Variants in ZBTB8A observed in about 807,000 individuals in gnomAD.
ZBTB8A encodes zinc finger and BTB domain containing 8A.
ZBTB8A carries 19 observed loss-of-function variants against 37.8 expected under a neutral mutation model. That is an observed-to-expected ratio of 0.50 (90% CI 0.35 to 0.74). The LOEUF (loss-of-function observed/expected upper bound fraction) is 0.74. Ranked by LOEUF, ZBTB8A falls within the 30% of genes least tolerant of loss-of-function variation. The pLI is 0.01. For synonymous variants in ZBTB8A, 181 were observed against 185.2 expected, an observed-to-expected ratio of 0.98 and a Z score of 0.19; for missense variants, 394 against 537.8, an observed-to-expected ratio of 0.73 and a Z score of 2.65.
intron 1 of ZBTB8A, among the ~76,000 whole-genome samples, chr1:32,540,679 C>G (rs952876126): frequency 2.0e-5 from 3 of 152,166 alleles, no homozygotes; most frequent in African/African-American, 7.2e-5. Context: ...TGATCTTTTT[C>G]AGGAAAGCCT....
chr1:32,558,205 G>A (rs1333265191), intron 2 of ZBTB8A, among the ~76,000 whole-genome samples: 1 of 152,040 alleles, frequency 6.6e-6, no homozygotes, highest in Non-Finnish European at 1.5e-5. Context: ...TCTTTTTGTG[G>A]AACAAAATTA....
chr1:32,554,722 A>C (rs907377082), intron 2 of ZBTB8A, among the ~76,000 whole-genome samples: 3 of 151,768 alleles, frequency 2.0e-5, no homozygotes, highest in African/African-American at 7.3e-5. Context: ...CAGGTGATCC[A>C]CCCACCTTGG....
intron 2 of ZBTB8A, among the ~76,000 whole-genome samples, chr1:32,589,781 ACCTCAGGTGATCCG>A (rs1644474755): frequency 4.0e-5 from 6 of 151,344 alleles, no homozygotes. Flanking sequence ...CAAACTCCTG[ACCTCAGGTGATCCG>A]TCAGCCTCGG....
At chr1:32,539,708 C>G (rs1176737947) in intron 1 of ZBTB8A, 136 bp downstream of exon 1, 2 of 147,316 alleles carry the variant, frequency 1.4e-5, no homozygotes, top group Non-Finnish European at 3.0e-5. Flanking sequence ...CGCGCCTCCC[C>G]CAGACGTCCC....
At chr1:32,574,847 G>A (rs1644348365) in intron 2 of ZBTB8A, among the ~76,000 whole-genome samples, 1 of 152,134 alleles carries the variant, frequency 6.6e-6, no homozygotes, top group Non-Finnish European at 1.5e-5. Flanking sequence ...GTGCTGACAT[G>A]GTTCACTGCA....
chr1:32,550,823 G>A (rs1212570506), intron 1 of ZBTB8A, among the ~76,000 whole-genome samples: 3 of 151,590 alleles, frequency 2.0e-5, no homozygotes, highest in Non-Finnish European at 4.4e-5. Context: ...CGGGTGTGGT[G>A]GCAGGCTCCT....
chr1:32,565,941 C>T (rs905241839), intron 2 of ZBTB8A, among the ~76,000 whole-genome samples: 1 of 152,086 alleles, frequency 6.6e-6, no homozygotes, highest in African/African-American at 2.4e-5. Flanking sequence ...GTGGCTCACG[C>T]CTGTAATCTC....
At chr1:32,549,674 G>A (rs1203603690) in intron 1 of ZBTB8A, among the ~76,000 whole-genome samples, 2 of 152,120 alleles carry the variant, frequency 1.3e-5, no homozygotes, top group Admixed American at 6.6e-5. Flanking sequence ...AGTTTACGGT[G>A]AGCTGGGAGT....
intron 2 of ZBTB8A, among the ~76,000 whole-genome samples, chr1:32,567,248 T>A (rs911431553): frequency 6.6e-6 from 1 of 151,778 alleles, no homozygotes; most frequent in African/African-American, 2.4e-5. Context: ...AACAACCAGA[T>A]CTCGTAAGAA....
intron 2 of ZBTB8A, among the ~76,000 whole-genome samples, chr1:32,571,442 G>A (rs1459715515): frequency 6.6e-6 from 1 of 152,102 alleles, no homozygotes; most frequent in Non-Finnish European, 1.5e-5. Context: ...TTCTGTGTCT[G>A]TTGAGATAGC....
At chr1:32,547,425 C>G (rs1319280985) in intron 1 of ZBTB8A, among the ~76,000 whole-genome samples, 1 of 148,422 alleles carries the variant, frequency 6.7e-6, no homozygotes, top group African/African-American at 2.5e-5. Flanking sequence ...ATGAGCATTG[C>G]TCACTGCAGC....
At chr1:32,561,530 G>C (rs1043281814) in intron 2 of ZBTB8A, among the ~76,000 whole-genome samples, 3 of 151,956 alleles carry the variant, frequency 2.0e-5, no homozygotes, top group African/African-American at 7.3e-5. Flanking sequence ...CTGTCTTCAC[G>C]TGGTGCTCTT....
In ZBTB8A at chr1:32,600,999, A is replaced by G. The variant is rs1388457961; in HGVS notation, c.*580A>G. 1.3e-5 allele frequency: 2 copies of G among 152,196 alleles called. No individual in the cohort carries two copies. The highest frequency in any genetic ancestry group is 2.4e-5 in the African/African-American group (1 of 41,414). The allele number at this position is 152,196 out of a possible 1,614,324, so 9.4% of individuals were successfully genotyped here. On this transcript the variant is annotated 3_prime_UTR_variant, in exon 5 of 5. Transcript: ENST00000373510. ...ATGGAAGAAGACTAAAGTGTTTGAA[A>G]TCATTCATATTTGAAATTTTTATCA...
intron 1 of ZBTB8A, among the ~76,000 whole-genome samples, chr1:32,543,188 A>G (rs1644071499): frequency 6.6e-6 from 1 of 151,916 alleles, no homozygotes; most frequent in Non-Finnish European, 1.5e-5. Context: ...GGGTCAAGCA[A>G]TTCTCCTACC....
In ZBTB8A at chr1:32,605,493, C is replaced by G. The variant is rs1329760062; in HGVS notation, c.*5074C>G. ...CCAAGGCGGGTGGATCACTTTAGGT[C>G]AAGAGTTGGAGACCAGCCTGGGGCA... On this transcript the variant is annotated 3_prime_UTR_variant, in exon 5 of 5. Transcript: ENST00000373510. 1 of 151,348 alleles carries G rather than the reference C, an allele frequency of 6.6e-6. No individual in the cohort carries two copies. Among genetic ancestry groups the G allele is most frequent in the African/African-American group, 2.4e-5 (1 of 41,206 alleles). The allele number at this position is 151,348 out of a possible 1,614,324, so 9.4% of individuals were successfully genotyped here.
chr1:32,597,908 AT>A (rs764920094), intron 4 of ZBTB8A, among the ~76,000 whole-genome samples: 3,927 of 136,990 alleles, frequency 0.029, 38 homozygotes, highest in Middle Eastern at 0.038. Context: ...TATCCGGCTA[AT>A]TTTTTTTTTT....
At chr1:32,564,882 C>T (rs2148227574) in intron 2 of ZBTB8A, among the ~76,000 whole-genome samples, 1 of 152,246 alleles carries the variant, frequency 6.6e-6, no homozygotes, top group East Asian at 1.9e-4. Context: ...CATACAGTCC[C>T]ACCTCCTACC....
At chr1:32,581,254 GAT>G (rs1331735433) in intron 2 of ZBTB8A, among the ~76,000 whole-genome samples, 3 of 8,164 alleles carry the variant, frequency 3.7e-4, no homozygotes, top group African/African-American at 1.0e-3. Context: ...GTAATATATA[GAT>G]ATATATTAAT....
chr1:32,566,887 G>A lies in ZBTB8A; in HGVS notation c.-2+13347G>A, dbSNP rs540818252. Among the ~76,000 whole-genome samples the A allele has an allele frequency of 5.9e-5, 9 of 152,320 alleles. No homozygotes were observed. The South Asian group carries it at 1.2e-3, about 21-fold the overall frequency. On this transcript the variant is annotated intron_variant, in intron 2 of 4. Coordinates refer to ENST00000373510, the MANE Select transcript of ZBTB8A (RefSeq NM_001040441.3). The stretch of plus-strand genomic sequence containing the variant: ...AGCAGTAAGATGAGAGCTGCAGGTA[G>A]GGGAGATCTTTCAGAGATCTGGCAG...
Sources: allele counts gnomAD v4.1 joint callset (sites outside exome capture counted in the v4.1 genomes callset), GRCh38; gene constraint gnomAD v4.1.1; transcripts MANE v1.5; gene names NCBI Gene and HGNC (gene_info 2026-07-23, HGNC 2026-07-21).